ADCY2: variants seen among roughly 807,000 people sequenced by gnomAD.
ADCY2 encodes adenylate cyclase 2.
ADCY2 carries 31 observed loss-of-function variants against 125.2 expected under a neutral mutation model. The ratio of observed to expected loss-of-function variants is 0.25; its 90% CI spans 0.19 to 0.33. ADCY2 has a LOEUF of 0.33. Ranked by LOEUF, ADCY2 falls within the 10% of genes least tolerant of loss-of-function variation. ADCY2 has a pLI of 1.00. For missense variants in ADCY2, 904 were observed against 1,418.2 expected, an observed-to-expected ratio of 0.64 and a Z score of 5.82; for synonymous variants, 512 against 548.4, an observed-to-expected ratio of 0.93 and a Z score of 0.93.
At chr5:7,618,167 G>A (rs1490947605) in intron 3 of ADCY2, among the ~76,000 whole-genome samples, 3 of 152,152 alleles carry the variant, frequency 2.0e-5, no homozygotes, top group African/African-American at 2.4e-5. Flanking sequence ...GAGATTGGCC[G>A]TGGCATCCCT....
intron 3 of ADCY2, among the ~76,000 whole-genome samples, chr5:7,549,968 T>C (rs1419660878): frequency 6.6e-6 from 1 of 152,186 alleles, no homozygotes; most frequent in Non-Finnish European, 1.5e-5. Flanking sequence ...TTCAGAATGT[T>C]CTCATCTAGT....
intron 19 of ADCY2, 75 bp downstream of exon 19, chr5:7,784,524 G>T: frequency 9.2e-7 from 1 of 1,084,058 alleles, no homozygotes; most frequent in South Asian, 1.4e-5. Context: ...GCTGTGCATT[G>T]TAGTTAATCT....
intron 3 of ADCY2, among the ~76,000 whole-genome samples, chr5:7,583,918 A>T (rs11134244): frequency 0.084 from 12,734 of 152,210 alleles, 957 homozygotes; most frequent in East Asian, 0.41. Context: ...AGCAACTGTT[A>T]CATGCAACAT....
chr5:7,584,211 A>T (rs1445360626), intron 3 of ADCY2, among the ~76,000 whole-genome samples: 2 of 152,118 alleles, frequency 1.3e-5, no homozygotes, highest in Non-Finnish European at 2.9e-5. Context: ...TTGGATTGGG[A>T]TAGTCCTAAA....
intron 3 of ADCY2, among the ~76,000 whole-genome samples, chr5:7,526,903 C>T (rs996845091): frequency 3.9e-5 from 6 of 152,064 alleles, no homozygotes; most frequent in African/African-American, 7.2e-5. Context: ...ATATTATCCA[C>T]GTTAAGAATA....
chr5:7,667,797 A>G (rs529559641), intron 4 of ADCY2, among the ~76,000 whole-genome samples: 10 of 152,196 alleles, frequency 6.6e-5, no homozygotes, highest in Admixed American at 3.3e-4. Flanking sequence ...CCCTCCCTCT[A>G]TTAAGAAGAC....
intron 4 of ADCY2, among the ~76,000 whole-genome samples, chr5:7,654,863 C>A (rs150948166): frequency 6.6e-6 from 1 of 152,116 alleles, no homozygotes; most frequent in African/African-American, 2.4e-5. Context: ...AAAAGGAGGC[C>A]GAGATCTTGG....
chr5:7,825,142 T>C (rs1025813858), intron 24 of ADCY2, among the ~76,000 whole-genome samples: 5 of 138,576 alleles, frequency 3.6e-5, no homozygotes, highest in Non-Finnish European at 7.5e-5. Flanking sequence ...CTGTGTCCCA[T>C]AATAACGCTG....
intron 3 of ADCY2, among the ~76,000 whole-genome samples, chr5:7,541,739 C>A (rs1735001423): frequency 6.6e-6 from 1 of 152,130 alleles, no homozygotes; most frequent in Admixed American, 6.5e-5. Context: ...TGTCACAAGT[C>A]TGGAAGAGAT....
intron 2 of ADCY2, among the ~76,000 whole-genome samples, chr5:7,506,359 G>A (rs549638581): frequency 2.2e-4 from 34 of 152,152 alleles, no homozygotes; most frequent in Non-Finnish European, 3.7e-4. Flanking sequence ...GTTAAAAGCC[G>A]TCATACATAC....
chr5:7,597,620 T>C lies in ADCY2; in HGVS notation c.571-28547T>C, dbSNP rs957119506. Among the ~76,000 whole-genome samples, 5 of 152,170 alleles carry C rather than the reference T, an allele frequency of 3.3e-5. No individual in the cohort carries two copies. The East Asian group carries it at 9.7e-4, about 30-fold the overall frequency. ...CAAAAACCCATCTGTATAAAAAAAC[T>C]TTAAAATTTAGCAGGGCATGGTAGC... On this transcript the variant is annotated intron_variant, in intron 3 of 24. Coordinates refer to ENST00000338316, the MANE Select transcript of ADCY2 (RefSeq NM_020546.3).
At chr5:7,502,005 CT>C (rs1743612624) in intron 2 of ADCY2, among the ~76,000 whole-genome samples, 1 of 152,108 alleles carries the variant, frequency 6.6e-6, no homozygotes, top group Non-Finnish European at 1.5e-5. Context: ...CATGGCTGAT[CT>C]ACCTGGGAAG....
At chr5:7,674,626 A>G (rs1461823503) in intron 4 of ADCY2, among the ~76,000 whole-genome samples, 1 of 146,114 alleles carries the variant, frequency 6.8e-6, no homozygotes, top group East Asian at 1.9e-4. Flanking sequence ...GAAATTGAAT[A>G]TAGCTGTTAG....
chr5:7,466,461 C>T (rs1247148767), intron 2 of ADCY2, among the ~76,000 whole-genome samples: 2 of 152,134 alleles, frequency 1.3e-5, no homozygotes, highest in African/African-American at 4.8e-5. Context: ...CAGGTGAAAC[C>T]GAGGCACAAG....
chr5:7,778,375 G>A (rs573639798), intron 18 of ADCY2, among the ~76,000 whole-genome samples: 2 of 152,290 alleles, frequency 1.3e-5, no homozygotes, highest in Admixed American at 1.3e-4. Flanking sequence ...AGACACATGG[G>A]ACATGGAGAG....
At chr5:7,544,581 C>T (rs1251106309) in intron 3 of ADCY2, among the ~76,000 whole-genome samples, 2 of 152,286 alleles carry the variant, frequency 1.3e-5, no homozygotes, top group Non-Finnish European at 2.9e-5. Flanking sequence ...AGGTTCATCA[C>T]GTGTGCAAAG....
chr5:7,448,702 G>C (rs766512428), intron 2 of ADCY2, among the ~76,000 whole-genome samples: 2 of 152,022 alleles, frequency 1.3e-5, no homozygotes, highest in African/African-American at 4.8e-5. Context: ...TCATCATTCA[G>C]CTCCCACTTA....
intron 3 of ADCY2, among the ~76,000 whole-genome samples, chr5:7,589,676 C>T (rs1262826715): frequency 1.3e-5 from 2 of 152,106 alleles, no homozygotes; most frequent in Admixed American, 6.5e-5. Flanking sequence ...CTCCTGTTTT[C>T]CTGAGTGTTC....
intron 18 of ADCY2, among the ~76,000 whole-genome samples, chr5:7,779,566 C>G (rs1743847821): frequency 5.4e-5 from 1 of 18,560 alleles, no homozygotes; most frequent in South Asian, 9.4e-3. Flanking sequence ...GCCAGCACTC[C>G]CAGTCCAACC....
Sources: gnomAD v4.1 joint callset for allele counts (sites outside exome capture counted in the v4.1 genomes callset) on GRCh38, gnomAD v4.1.1 for gene constraint, MANE v1.5 for transcripts, NCBI Gene and HGNC (gene_info 2026-07-23, HGNC 2026-07-21) for gene names.